IPO11: variants seen among roughly 807,000 people sequenced by gnomAD.
IPO11 encodes importin-11.
IPO11 carries 66 observed loss-of-function variants against 143.2 expected under a neutral mutation model. The observed-to-expected ratio is 0.46, with a 90% CI of 0.38 to 0.57. The LOEUF is 0.57. Among genes scored for constraint, IPO11 ranks in the 20% least tolerant of loss-of-function variants. IPO11 has a pLI of 0.00. For missense variants in IPO11, 1,026 were observed against 1,141.0 expected (o/e 0.90, Z 1.45); for synonymous variants, 385 against 377.8 (o/e 1.02, Z -0.22).
chr5:62,486,873 G>A (rs1301047841), intron 12 of IPO11, among the ~76,000 whole-genome samples: 1 of 152,048 alleles, frequency 6.6e-6, no homozygotes, highest in Non-Finnish European at 1.5e-5. Context: ...TCCCAGTGTT[G>A]ATGGTTATCT....
At chr5:62,581,120 ACTC>A in intron 27 of IPO11, 1 of 1,549,684 alleles carries the variant, frequency 6.5e-7, no homozygotes, top group Non-Finnish European at 8.7e-7. Flanking sequence ...GCATCAGAAA[ACTC>A]AAGGGAAAAT....
chr5:62,474,246 C>T (rs779241470), intron 7 of IPO11, among the ~76,000 whole-genome samples, 170 bp from the exon 8 acceptor site: 10 of 152,168 alleles, frequency 6.6e-5, no homozygotes, highest in East Asian at 1.9e-4. Context: ...TTCCTGTGGA[C>T]GACTTGTTTA....
intron 27 of IPO11, chr5:62,579,920 T>G (rs1325059411): frequency 7.1e-6 from 11 of 1,551,312 alleles, no homozygotes; most frequent in South Asian, 1.2e-5. Context: ...GTTCAGTACT[T>G]AAATCTACAA....
intron 28 of IPO11, among the ~76,000 whole-genome samples, chr5:62,592,669 A>G (rs1745068240): frequency 6.6e-6 from 1 of 152,140 alleles, no homozygotes; most frequent in African/African-American, 2.4e-5. Context: ...AGGGCTGGGG[A>G]GGCCTCAGGA....
At chr5:62,447,112 T>TA (rs149024719) in intron 3 of IPO11, among the ~76,000 whole-genome samples, 7,649 of 148,878 alleles carry the variant, frequency 0.051, 619 homozygotes, top group African/African-American at 0.18. Flanking sequence ...TATATATATA[T>TA]TTTTTTTTAA....
chr5:62,499,181 A>G (rs1194831313), intron 16 of IPO11, among the ~76,000 whole-genome samples: 1 of 152,192 alleles, frequency 6.6e-6, no homozygotes, highest in East Asian at 1.9e-4. Flanking sequence ...TTGTGGGGAC[A>G]TCATAGAGTG....
chr5:62,622,356 G>C (rs552665818), intron 29 of IPO11, among the ~76,000 whole-genome samples: 1 of 152,246 alleles, frequency 6.6e-6, no homozygotes, highest in South Asian at 2.1e-4. Context: ...AAGAACTATT[G>C]TATAAAGATT....
chr5:62,487,864 A>G lies in IPO11; in HGVS notation c.1309+3A>G. 1 of 1,603,960 alleles carries G rather than the reference A, an allele frequency of 6.2e-7. No homozygotes were observed. The highest frequency in any genetic ancestry group is 8.5e-7 in the Non-Finnish European group (1 of 1,176,486). On this transcript the variant is annotated splice_donor_region_variant and intron_variant, in intron 13 of 29. Coordinates refer to ENST00000325324, the MANE Select transcript of IPO11 (RefSeq NM_016338.5). ...AGAAATGATGCAAACACTTCAAGGT[A>G]AGGCATATTTTGTGATTAACTTTGA...
intron 15 of IPO11, among the ~76,000 whole-genome samples, chr5:62,492,457 A>G (rs1011511265): frequency 1.3e-5 from 2 of 152,024 alleles, no homozygotes; most frequent in Admixed American, 1.3e-4. Flanking sequence ...GTCCTAGTAC[A>G]CTACTTTGTG....
At chr5:62,580,034 G>T (rs1479888737) in intron 27 of IPO11, 1 of 1,551,034 alleles carries the variant, frequency 6.4e-7, no homozygotes, top group Non-Finnish European at 8.7e-7. Flanking sequence ...TCAGAATCAG[G>T]CTTTCAACAT....
chr5:62,484,686 T>G (rs1746333766), intron 11 of IPO11, among the ~76,000 whole-genome samples: 1 of 152,002 alleles, frequency 6.6e-6, no homozygotes, highest in African/African-American at 2.4e-5. Context: ...TACTTACTTG[T>G]ATGTGAATTA....
At chr5:62,514,954 G>A (rs1403100242) in intron 19 of IPO11, among the ~76,000 whole-genome samples, 1 of 152,062 alleles carries the variant, frequency 6.6e-6, no homozygotes, top group East Asian at 1.9e-4. Flanking sequence ...GGCTGTCTGT[G>A]TATCCTTTTC....
intron 5 of IPO11, among the ~76,000 whole-genome samples, chr5:62,457,268 C>A (rs995489472): frequency 2.0e-5 from 3 of 151,854 alleles, no homozygotes; most frequent in African/African-American, 7.3e-5. Context: ...GTGGGAGGAT[C>A]CTTGGGGCCA....
At chr5:62,624,769 G>C (rs938794061) in intron 29 of IPO11, among the ~76,000 whole-genome samples, 5 of 152,034 alleles carry the variant, frequency 3.3e-5, no homozygotes. Flanking sequence ...CGGATCATGA[G>C]GTCAGGAGAT....
intron 27 of IPO11, among the ~76,000 whole-genome samples, chr5:62,585,721 T>C (rs1339937329): frequency 1.3e-5 from 2 of 152,174 alleles, no homozygotes; most frequent in East Asian, 3.8e-4. Flanking sequence ...GGAAGTTTCC[T>C]TGTTTTGGAA....
chr5:62,502,762 G>A (rs10069988), intron 16 of IPO11, among the ~76,000 whole-genome samples: 3 of 151,830 alleles, frequency 2.0e-5, no homozygotes, highest in Non-Finnish European at 4.4e-5. Flanking sequence ...GAGAATTAAG[G>A]GTTAGTGTGC....
At chr5:62,559,730 A>G (rs936538574) in intron 26 of IPO11, among the ~76,000 whole-genome samples, 5 of 151,940 alleles carry the variant, frequency 3.3e-5, no homozygotes, top group Non-Finnish European at 7.4e-5. Flanking sequence ...CAACCTGGCC[A>G]ATATGGTGAA....
chr5:62,577,672 A>T (rs1436370769), intron 27 of IPO11, among the ~76,000 whole-genome samples: 1 of 152,154 alleles, frequency 6.6e-6, no homozygotes, highest in Non-Finnish European at 1.5e-5. Flanking sequence ...AGGTGTAAGA[A>T]TCATAAGTCA....
At chr5:62,604,201 G>A (rs879664927) in intron 29 of IPO11, among the ~76,000 whole-genome samples, 3 of 152,058 alleles carry the variant, frequency 2.0e-5, no homozygotes, top group Non-Finnish European at 4.4e-5. Flanking sequence ...AAACTGTTTT[G>A]TGGTTGTTTT....
Sources: allele counts gnomAD v4.1 joint callset (sites outside exome capture counted in the v4.1 genomes callset), GRCh38; gene constraint gnomAD v4.1.1; transcripts MANE v1.5; gene names NCBI Gene and HGNC (gene_info 2026-07-23, HGNC 2026-07-21).